Variants in ALPK2 observed in about 807,000 individuals in gnomAD.
ALPK2 encodes alpha kinase 2, also known as alpha-protein kinase 2.
Under a neutral mutation model 163.1 loss-of-function variants are expected in ALPK2, and 127 were observed. The ratio of observed to expected loss-of-function variants is 0.78; its 90% CI spans 0.67 to 0.90. The LOEUF (loss-of-function observed/expected upper bound fraction) is 0.90, where lower values mean the gene tolerates loss of function less well. Ranked by LOEUF, ALPK2 falls within the 40% of genes least tolerant of loss-of-function variation. ALPK2 has a pLI of 0.00. For missense variants in ALPK2, 2,360 were observed against 2,589.6 expected, an observed-to-expected ratio of 0.91 and a Z score of 1.92; for synonymous variants, 953 against 959.1, an observed-to-expected ratio of 0.99 and a Z score of 0.12.
chr18:58,605,539 A>G (rs1026588501), intron 3 of ALPK2, among the ~76,000 whole-genome samples: 11 of 152,222 alleles, frequency 7.2e-5, no homozygotes, highest in African/African-American at 1.9e-4. Flanking sequence ...CCCACAGTCT[A>G]CTGAACTTGT....
rs372454402 is a variant in ALPK2 at position 58,525,380 on chromosome 18, A to T, written c.5502-1318T>A. Among the ~76,000 whole-genome samples, 5 of 152,324 alleles carry T rather than the reference A, an allele frequency of 3.3e-5. No individual in the cohort carries two copies. The South Asian group carries it at 1.0e-3, about 32-fold the overall frequency. On this transcript the variant is annotated intron_variant, in intron 6 of 12. Transcript: ENST00000361673. ...CAGTAAAACACAGAGTGGGCCACAG[A>T]GGAGGCTTGTGGAAAGTCCTTCTCC...
rs1164147160 is a variant in ALPK2 at position 58,587,986 on chromosome 18, C to G, written c.228-7438G>C. Among the ~76,000 whole-genome samples, 3 of 152,310 alleles carry G rather than the reference C, an allele frequency of 2.0e-5. No individual in the cohort carries two copies. In the East Asian group the frequency reaches 5.8e-4, roughly 29 times the overall value. On this transcript the variant is annotated intron_variant, in intron 3 of 12. Coordinates refer to ENST00000361673, the MANE Select transcript of ALPK2 (RefSeq NM_052947.4). ...CTGCCAAATACCCAAGGCTGAATAACCATCATTTGTCTGTTATTCTTTTGA... is the reference window on the plus strand; with the variant it reads ...CTGCCAAATACCCAAGGCTGAATAAGCATCATTTGTCTGTTATTCTTTTGA...
chr18:58,536,738 G>A lies in ALPK2; in HGVS notation c.3449C>T (p.Ala1150Val). The A allele has an allele frequency of 6.2e-7, 1 of 1,614,212 alleles. No homozygotes were observed. Among genetic ancestry groups the A allele is most frequent in the Non-Finnish European group, 8.5e-7 (1 of 1,180,042 alleles). Residue 1150 changes from alanine (A) to valine (V), a missense_variant, in exon 5 of 13, where the codon GCA (alanine) becomes GTA (valine). Transcript: ENST00000361673. The part of the protein sequence containing the change: ...QSLSQQGSLS[A>V]PDFQQSLPTT... ...AGGCAAACTTTGTTGGAAATCAGGT[G>A]CAGAAAGAGAACCCTGCTGGGACAG...
intron 1 of ALPK2, among the ~76,000 whole-genome samples, 152 bp from the exon 2 acceptor site, chr18:58,611,969 C>T (rs1049037928): frequency 2.0e-5 from 3 of 152,148 alleles, no homozygotes; most frequent in Admixed American, 1.3e-4. Context: ...CTTTCCAGGC[C>T]GTGGTGCTGC....
intron 11 of ALPK2, among the ~76,000 whole-genome samples, chr18:58,502,806 G>A (rs766321911): frequency 2.4e-4 from 37 of 152,134 alleles, no homozygotes; most frequent in Non-Finnish European, 4.7e-4. Context: ...TTTTTTATCC[G>A]GCTTAGCTTG....
intron 12 of ALPK2, among the ~76,000 whole-genome samples, chr18:58,487,038 C>A (rs185961847): frequency 3.3e-4 from 50 of 152,330 alleles, no homozygotes; most frequent in Admixed American, 9.1e-4. Flanking sequence ...ATCACCATTG[C>A]AGAAACTCGC....
chr18:58,626,799 T>A (rs1310809450), intron 1 of ALPK2, among the ~76,000 whole-genome samples: 1 of 127,162 alleles, frequency 7.9e-6, no homozygotes, highest in Non-Finnish European at 1.8e-5. Context: ...CTAATTGTGT[T>A]ATGTTGTATT....
chr18:58,626,918 G>A (rs963595117), intron 1 of ALPK2, among the ~76,000 whole-genome samples: 3 of 151,206 alleles, frequency 2.0e-5, no homozygotes, highest in Non-Finnish European at 2.9e-5. Flanking sequence ...TAATTAAGGT[G>A]AAAAACTAAC....
At chr18:58,524,172 G>A in intron 6 of ALPK2, 110 bp from the exon 7 acceptor site, 1 of 1,425,462 alleles carries the variant, frequency 7.0e-7, no homozygotes, top group Non-Finnish European at 9.4e-7. Context: ...CATGTTTTCA[G>A]CCAGTGAGCT....
At chr18:58,483,202 A>G (rs1482589636) in intron 12 of ALPK2, among the ~76,000 whole-genome samples, 1 of 152,156 alleles carries the variant, frequency 6.6e-6, no homozygotes, top group African/African-American at 2.4e-5. Context: ...GGGGATAAAC[A>G]CTTTGAAGTA....
intron 3 of ALPK2, among the ~76,000 whole-genome samples, chr18:58,587,841 C>T (rs1377596439): frequency 6.6e-6 from 1 of 152,150 alleles, no homozygotes; most frequent in Non-Finnish European, 1.5e-5. Context: ...AACTGGAAGT[C>T]CCTAGTTCAG....
At chr18:58,526,280 T>A (rs1309771025) in intron 6 of ALPK2, among the ~76,000 whole-genome samples, 2 of 151,842 alleles carry the variant, frequency 1.3e-5, no homozygotes, top group Non-Finnish European at 2.9e-5. Context: ...AGGGAGAGGG[T>A]ACTTAGCATG....
chr18:58,599,247 C>G (rs897580317), intron 3 of ALPK2, among the ~76,000 whole-genome samples: 2 of 152,178 alleles, frequency 1.3e-5, no homozygotes, highest in African/African-American at 4.8e-5. Context: ...GACCTATCAC[C>G]CGAGGACTAA....
intron 3 of ALPK2, among the ~76,000 whole-genome samples, chr18:58,583,774 G>T (rs1185859672): frequency 2.0e-5 from 3 of 151,978 alleles, no homozygotes; most frequent in Non-Finnish European, 4.4e-5. Flanking sequence ...AAAAAGGCGG[G>T]GGGGCTGTGG....
chr18:58,573,334 GTGTATATATA>G (rs1460395039), intron 4 of ALPK2, among the ~76,000 whole-genome samples: 1 of 110,892 alleles, frequency 9.0e-6, no homozygotes, highest in East Asian at 2.9e-4. Flanking sequence ...ATGTATATAT[GTGTATATATA>G]TGTATATATA....
chr18:58,611,319 T>C (rs1319512590), intron 2 of ALPK2, among the ~76,000 whole-genome samples: 1 of 150,634 alleles, frequency 6.6e-6, no homozygotes, highest in Non-Finnish European at 1.5e-5. Flanking sequence ...ACAGAAGAGT[T>C]CCATCAATTT....
chr18:58,611,566 C>T (rs2052131461), intron 2 of ALPK2, 123 bp downstream of exon 2: 1 of 850,012 alleles, frequency 1.2e-6, no homozygotes, highest in Non-Finnish European at 1.9e-6. Context: ...TCATTGATTA[C>T]ACAGAAAAAA....
chr18:58,527,484 A>G (rs1404928162), intron 6 of ALPK2, among the ~76,000 whole-genome samples: 1 of 152,244 alleles, frequency 6.6e-6, no homozygotes, highest in South Asian at 2.1e-4. Flanking sequence ...TACTAATGAC[A>G]TATGCTCCCC....
At chr18:58,521,459 G>A (rs1410343657) in intron 8 of ALPK2, among the ~76,000 whole-genome samples, 1 of 152,122 alleles carries the variant, frequency 6.6e-6, no homozygotes, top group Non-Finnish European at 1.5e-5. Context: ...GGGGAGATGA[G>A]AGCAGAAATA....
Sources: allele counts gnomAD v4.1 joint callset (sites outside exome capture counted in the v4.1 genomes callset), GRCh38; gene constraint gnomAD v4.1.1; transcripts MANE v1.5; gene names NCBI Gene and HGNC (gene_info 2026-07-23, HGNC 2026-07-21).